RFC3: variants seen among roughly 807,000 people sequenced by gnomAD.
RFC3 encodes the protein A1 38 kDa subunit.
Under a neutral mutation model 45.1 loss-of-function variants are expected in RFC3, and 41 were observed. The observed-to-expected ratio is 0.91, with a 90% CI of 0.71 to 1.18. RFC3 has a LOEUF of 1.18. RFC3 is among the 50% of genes most tolerant of loss of function. The pLI is 0.00. For missense variants in RFC3, 423 were observed against 428.1 expected, an observed-to-expected ratio of 0.99 and a Z score of 0.10; for synonymous variants, 149 against 144.0, an observed-to-expected ratio of 1.03 and a Z score of -0.25.
At chr13:33,822,788 C>T (rs190189233) in intron 2 of RFC3, among the ~76,000 whole-genome samples, 3 of 152,164 alleles carry the variant, frequency 2.0e-5, no homozygotes, top group African/African-American at 2.4e-5. Flanking sequence ...ATGAATTGCT[C>T]CTGGGTCAAT....
intron 8 of RFC3, among the ~76,000 whole-genome samples, chr13:33,904,477 A>G (rs1365200773): frequency 2.0e-5 from 3 of 151,920 alleles, no homozygotes; most frequent in Non-Finnish European, 4.4e-5. Context: ...CCCATCTCAG[A>G]GCCTTATCAT....
At chr13:33,903,810 T>G (rs1366205000) in intron 8 of RFC3, among the ~76,000 whole-genome samples, 1 of 152,098 alleles carries the variant, frequency 6.6e-6, no homozygotes, top group Non-Finnish European at 1.5e-5. Flanking sequence ...GTGCTCTCTT[T>G]CCTTGGTGAT....
chr13:33,858,702 AT>A (rs113651076), intron 8 of RFC3, among the ~76,000 whole-genome samples: 28 of 152,226 alleles, frequency 1.8e-4, no homozygotes, highest in East Asian at 1.2e-3. Context: ...GCACTGATTA[AT>A]TTTTTTTATC....
intron 8 of RFC3, among the ~76,000 whole-genome samples, chr13:33,888,645 T>C (rs1011240175): frequency 2.0e-5 from 3 of 152,148 alleles, no homozygotes; most frequent in Non-Finnish European, 4.4e-5. Flanking sequence ...AGATCTCATA[T>C]AGCAGATTCC....
rs555139281 is a variant in RFC3, at chr13:33,830,027, G to A, written c.573+10G>A. On this transcript the variant is annotated intron_variant, in intron 5 of 8. Transcript: ENST00000380071. ...TCCCAGCATTGAAGATGTAGGTCAA[G>A]TTACACTTTTCTGAAAAATAAATCA... 81 of 1,609,272 alleles carry A rather than the reference G, an allele frequency of 5.0e-5. No individual in the cohort carries two copies. In the East Asian group the frequency reaches 1.5e-3, roughly 31 times the overall value.
At chr13:33,830,584 GTTACT>G (rs2082092720) in intron 5 of RFC3, 130 bp from the exon 6 acceptor site, 2 of 593,004 alleles carry the variant, frequency 3.4e-6, no homozygotes, top group South Asian at 6.0e-5. Context: ...AGAGTGGTAA[GTTACT>G]TTTAGTGTAA....
At chr13:33,848,943 G>A (rs1036671924) in intron 8 of RFC3, 1 of 152,156 alleles carries the variant, frequency 6.6e-6, no homozygotes, top group Non-Finnish European at 1.5e-5. Context: ...CCTGCTGTTT[G>A]CCATGGCTTT....
At chr13:33,954,636 G>A (rs570860332) in intron 8 of RFC3, among the ~76,000 whole-genome samples, 6 of 152,222 alleles carry the variant, frequency 3.9e-5, no homozygotes, top group Admixed American at 6.5e-5. Context: ...CAAGATTAAG[G>A]GTGCTGGCAG....
At chr13:33,958,595 C>T (rs974519635) in intron 8 of RFC3, among the ~76,000 whole-genome samples, 2 of 152,114 alleles carry the variant, frequency 1.3e-5, no homozygotes, top group Admixed American at 6.5e-5. Context: ...AAACAGAAGG[C>T]GTTTTTCAGA....
downstream of RFC3, among the ~76,000 whole-genome samples, chr13:33,841,978 A>G (rs368216920): frequency 2.2e-3 from 339 of 152,200 alleles, 2 homozygotes; most frequent in African/African-American, 7.7e-3. Flanking sequence ...CCCATGGTCA[A>G]TTGCAATTTG....
At position 33,831,236 on chromosome 13, in the gene RFC3, G is replaced by A. The variant is rs578131908; in HGVS notation, c.711-20G>A. The A allele has an allele frequency of 1.4e-6, 2 of 1,435,252 alleles. No homozygotes were observed. The highest frequency in any genetic ancestry group is 1.4e-5 in the African/African-American group (1 of 71,356). 88.9% of individuals were successfully genotyped at this position (1,435,252 alleles called of 1,614,324 possible). On this transcript the variant is annotated intron_variant, in intron 6 of 8. Transcript: ENST00000380071. ...AGCACACTTCTGTTTAACTTCTTGT[G>A]TTCTCTTTTTGTCATGTAGATATCC... is the stretch of plus-strand genomic sequence containing the variant.
intron 8 of RFC3, among the ~76,000 whole-genome samples, chr13:33,865,189 G>A (rs1023226014): frequency 3.9e-5 from 6 of 152,148 alleles, no homozygotes; most frequent in Non-Finnish European, 8.8e-5. Flanking sequence ...TGGTTTCACA[G>A]TGCACAGTAA....
At chr13:33,956,280 TTGGAAATTAG>T (rs1335882444) in intron 8 of RFC3, among the ~76,000 whole-genome samples, 1 of 152,196 alleles carries the variant, frequency 6.6e-6, no homozygotes, top group East Asian at 1.9e-4. Context: ...GAACATTGGA[TTGGAAATTAG>T]TGGTTGGATT....
At chr13:33,888,646 A>T (rs1164785467) in intron 8 of RFC3, among the ~76,000 whole-genome samples, 1 of 152,218 alleles carries the variant, frequency 6.6e-6, no homozygotes, top group Non-Finnish European at 1.5e-5. Flanking sequence ...GATCTCATAT[A>T]GCAGATTCCT....
At chr13:33,846,925 A>C (rs979370763) in intron 8 of RFC3, 6 of 151,568 alleles carry the variant, frequency 4.0e-5, no homozygotes, top group Non-Finnish European at 8.8e-5. Context: ...TTTTTGGTGG[A>C]GTCTCACCCT....
chr13:33,832,846 C>G (rs1007773973), intron 7 of RFC3, among the ~76,000 whole-genome samples: 3 of 152,040 alleles, frequency 2.0e-5, no homozygotes, highest in Admixed American at 1.3e-4. Context: ...ATATAACTTA[C>G]CTACTTTTAG....
chr13:33,860,834 C>A (rs927140883), intron 8 of RFC3, among the ~76,000 whole-genome samples: 1 of 152,144 alleles, frequency 6.6e-6, no homozygotes, highest in Non-Finnish European at 1.5e-5. Flanking sequence ...CCAGCAAGTC[C>A]CGCAGAGATG....
At chr13:33,892,473 C>T (rs1332942115) in intron 8 of RFC3, among the ~76,000 whole-genome samples, 2 of 151,942 alleles carry the variant, frequency 1.3e-5, no homozygotes, top group Non-Finnish European at 2.9e-5. Context: ...GTATTGGTGC[C>T]GTCTCATTTC....
chr13:33,950,463 T>C (rs1164793597), intron 8 of RFC3, among the ~76,000 whole-genome samples: 2 of 152,202 alleles, frequency 1.3e-5, no homozygotes, highest in East Asian at 1.9e-4. Context: ...AAAAGGGTTT[T>C]AGAGACTCTC....
Sources: allele counts gnomAD v4.1 joint callset (sites outside exome capture counted in the v4.1 genomes callset), GRCh38; gene constraint gnomAD v4.1.1; transcripts MANE v1.5; gene names NCBI Gene and HGNC (gene_info 2026-07-23, HGNC 2026-07-21).